Variants in RBPJ observed in about 807,000 individuals in gnomAD.
RBPJ encodes recombining binding protein suppressor of hairless.
Under a neutral mutation model 67.8 loss-of-function variants are expected in RBPJ, and 9 were observed. The ratio of observed to expected loss-of-function variants is 0.13; its 90% CI spans 0.08 to 0.23. The LOEUF is 0.23. Ranked by LOEUF, RBPJ falls within the 10% of genes least tolerant of loss-of-function variation. The pLI is 1.00. For missense variants in RBPJ, 305 were observed against 595.6 expected, an observed-to-expected ratio of 0.51 and a Z score of 5.08; for synonymous variants, 198 against 203.3, an observed-to-expected ratio of 0.97 and a Z score of 0.22.
At chr4:26,273,048 T>C (rs1720966196) in intron 1 of RBPJ, among the ~76,000 whole-genome samples, 1 of 152,160 alleles carries the variant, frequency 6.6e-6, no homozygotes, top group African/African-American at 2.4e-5. Context: ...CAACAGACCA[T>C]AAAAAGGAAG....
chr4:26,334,104 T>C (rs1724551916), intron 1 of RBPJ, among the ~76,000 whole-genome samples: 1 of 151,792 alleles, frequency 6.6e-6, no homozygotes, highest in Non-Finnish European at 1.5e-5. Flanking sequence ...GCAGTGATGC[T>C]ATCCTGGCTC....
Position 26,255,143 on chromosome 4 carries a change from G to A in RBPJ, c.-167+91529G>A, listed in dbSNP as rs549607149. The stretch of plus-strand genomic sequence containing the variant: ...ATCTAGGCCGGGCGTGGTGGCTCAC[G>A]CCTGTAATCCCAGCACTTTGGGAGG... On this transcript the variant is annotated intron_variant, in intron 1 of 4. Coordinates refer to the RBPJ transcript ENST00000512351. Among the ~76,000 whole-genome samples the A allele has an allele frequency of 2.4e-4, 36 of 147,976 alleles. No individual in the cohort carries two copies. The Middle Eastern group carries it at 0.014, about 57-fold the overall frequency.
chr4:26,214,507 AGGAGGAAGGGAGGGAG>A (rs1718558303), intron 1 of RBPJ, among the ~76,000 whole-genome samples: 1 of 61,686 alleles, frequency 1.6e-5, no homozygotes, highest in African/African-American at 6.9e-5. Context: ...GAGGGAGGGA[AGGAGGAAGGGAGGGAG>A]GGAAGGAGGA....
intron 1 of RBPJ, among the ~76,000 whole-genome samples, chr4:26,163,928 C>A (rs1264515887): frequency 6.6e-6 from 1 of 152,242 alleles, no homozygotes; most frequent in South Asian, 2.1e-4. Context: ...TTCTTAGGAC[C>A]TTTCATGTCT....
At position 26,430,067 on chromosome 4, in the gene RBPJ, G is replaced by A. The variant is rs1353821497; in HGVS notation, c.1044+14G>A. The A allele has an allele frequency of 1.9e-6, 3 of 1,613,690 alleles. No homozygotes were observed. Among genetic ancestry groups the A allele is most frequent in the African/African-American group, 2.7e-5 (2 of 74,924 alleles). On this transcript the variant is annotated intron_variant, in intron 9 of 10. Transcript: ENST00000355476. The surrounding 1 kb of genome is among the most constrained non-coding windows in gnomAD (Gnocchi z 4.1). ...GAGAGCCTTCAGGTGAGAACGCCTAGTCCAAGTTGGCCTTCAGCTCTTTGC... is the reference window on the plus strand; with the variant it reads ...GAGAGCCTTCAGGTGAGAACGCCTAATCCAAGTTGGCCTTCAGCTCTTTGC...
At chr4:26,255,883 T>C (rs1237037029) in intron 1 of RBPJ, among the ~76,000 whole-genome samples, 1 of 145,766 alleles carries the variant, frequency 6.9e-6, no homozygotes, top group Non-Finnish European at 1.5e-5. Flanking sequence ...TGGAGAAACC[T>C]CTGGCAAGTA....
In RBPJ at chr4:26,275,657, A is replaced by C. The variant is rs530918424; in HGVS notation, c.-166-86789A>C. The stretch of plus-strand genomic sequence containing the variant: ...TGTTTTGTTTTGTTTTTTGAGACGG[A>C]GTCTCGTACTGTTGCCAGGCTGGAG... On this transcript the variant is annotated intron_variant, in intron 1 of 4. Transcript: ENST00000512351. 3.9e-5 allele frequency among the ~76,000 whole-genome samples: 6 copies of C among 152,150 alleles called. No individual in the cohort carries two copies. In the South Asian group the frequency reaches 6.2e-4, roughly 16 times the overall value.
upstream of RBPJ, chr4:26,320,016 G>A (rs1722851870): frequency 2.6e-6 from 2 of 758,790 alleles, no homozygotes; most frequent in Non-Finnish European, 4.3e-6. Flanking sequence ...AGCGTCCTCG[G>A]CTGTGCCAGG....
intron 3 of RBPJ, among the ~76,000 whole-genome samples, chr4:26,407,782 T>C (rs1413833246): frequency 6.6e-6 from 1 of 151,950 alleles, no homozygotes; most frequent in Non-Finnish European, 1.5e-5. Context: ...GGAAATGTAA[T>C]ATGTATGTGA....
Position 26,430,296 on chromosome 4 carries a change from T to TA in RBPJ, c.1045-117dup, listed in dbSNP as rs1166859417. ...GAAATGTTTTTAGCTAGCTTTGTAATAAAAAACATTTTAATTGCCCTTTTT... is the reference window on the plus strand; with the variant it reads ...GAAATGTTTTTAGCTAGCTTTGTAATAAAAAAACATTTTAATTGCCCTTTTT... On this transcript the variant is annotated intron_variant, in intron 9 of 10. Transcript: ENST00000355476. This position sits in a 1 kb window ranked among gnomAD's most constrained non-coding sequence, Gnocchi z 4.1. The TA allele has an allele frequency of 7.9e-5, 73 of 918,726 alleles. No individual in the cohort carries two copies. The African/African-American group carries it at 1.0e-3, about 13-fold the overall frequency. The allele number at this position is 918,726 out of a possible 1,614,324, so 56.9% of individuals were successfully genotyped here.
At chr4:26,128,525 A>G in the RBPJ span, among the ~76,000 whole-genome samples, 1 of 152,246 alleles carries the variant, frequency 6.6e-6, no homozygotes, top group Non-Finnish European at 1.5e-5. Context: ...TAAGAAATAG[A>G]GGAACAGAAG....
At chr4:26,239,856 T>C (rs890936990) in intron 1 of RBPJ, among the ~76,000 whole-genome samples, 5 of 152,208 alleles carry the variant, frequency 3.3e-5, no homozygotes, top group African/African-American at 1.2e-4. Flanking sequence ...TGTTTCATTC[T>C]CTATTTTCAT....
intron 1 of RBPJ, among the ~76,000 whole-genome samples, chr4:26,189,507 A>C (rs1476797353): frequency 6.6e-6 from 1 of 152,020 alleles, no homozygotes; most frequent in Admixed American, 6.6e-5. Flanking sequence ...AAAATGCAAA[A>C]ATTAGCCGGA....
chr4:26,415,467 T>C lies in RBPJ; in HGVS notation c.156-8T>C. ...TCTTGTTTTTTTTTTTCCCCTATTA[T>C]TCTTCAGGTTTTTTTGCCCACCTCC... is the stretch of plus-strand genomic sequence containing the variant. On this transcript the variant is annotated splice_polypyrimidine_tract_variant and splice_region_variant and intron_variant, in intron 3 of 10. Transcript: ENST00000355476. 6.4e-7 allele frequency: 1 copy of C among 1,571,088 alleles called. No individual in the cohort carries two copies.
At chr4:26,300,638 C>A (rs777182130) in intron 1 of RBPJ, among the ~76,000 whole-genome samples, 2 of 152,176 alleles carry the variant, frequency 1.3e-5, no homozygotes, top group African/African-American at 4.8e-5. Context: ...TCTGGCATAA[C>A]CTTTATCATT....
intron 1 of RBPJ, among the ~76,000 whole-genome samples, chr4:26,297,388 C>G (rs199808740): frequency 5.0e-5 from 7 of 139,954 alleles, no homozygotes; most frequent in African/African-American, 1.6e-4. Flanking sequence ...GAGAGAGAGA[C>G]AGAGAGAGAC....
At chr4:26,321,009 T>C (rs1326239781), upstream of RBPJ, 1 of 1,613,478 alleles carries the variant, frequency 6.2e-7, no homozygotes, top group East Asian at 2.2e-5. Context: ...GGTTGGAGTT[T>C]TGGCGAGAGT....
chr4:26,226,478 G>T (rs948049690), intron 1 of RBPJ, among the ~76,000 whole-genome samples: 1 of 151,996 alleles, frequency 6.6e-6, no homozygotes, highest in East Asian at 1.9e-4. Flanking sequence ...CTGTCTCAAG[G>T]AAAAAAATAA....
In RBPJ at chr4:26,290,587, T is replaced by C. The variant is rs559610011; in HGVS notation, c.-166-71859T>C. ...AACCAAAGCTTTATACCATATGACA[T>C]AGAATCCTGGAATAGATAACTTTAG... On this transcript the variant is annotated intron_variant, in intron 1 of 4. Transcript: ENST00000512351. Among the ~76,000 whole-genome samples, 43 of 150,672 alleles carry C rather than the reference T, an allele frequency of 2.9e-4. 1 individual carries two copies. The highest frequency in any genetic ancestry group is 9.3e-4 in the African/African-American group (38 of 40,996).
Sources: gnomAD v4.1 joint callset for allele counts (sites outside exome capture counted in the v4.1 genomes callset) on GRCh38, gnomAD v4.1.1 for gene constraint, Gnocchi (gnomAD v3.1) non-coding constraint, MANE v1.5 for transcripts, NCBI Gene and HGNC (gene_info 2026-07-23, HGNC 2026-07-21) for gene names.